Variants in BMP5 observed in about 807,000 individuals in gnomAD.
BMP5 encodes bone morphogenetic protein 5.
Under a neutral mutation model 46.6 loss-of-function variants are expected in BMP5, and 23 were observed. That is an observed-to-expected ratio of 0.49 (90% CI 0.35 to 0.70). The LOEUF (loss-of-function observed/expected upper bound fraction) is 0.70, where lower values mean the gene tolerates loss of function less well. Among genes scored for constraint, BMP5 ranks in the 30% least tolerant of loss-of-function variants. The probability of loss-of-function intolerance (pLI) is 0.00; values close to 1 mark genes in which losing one functional copy is unlikely to be tolerated. For synonymous variants in BMP5, 204 were observed against 191.9 expected (o/e 1.06, Z -0.52); for missense variants, 545 against 565.6 (o/e 0.96, Z 0.37).
intron 2 of BMP5, among the ~76,000 whole-genome samples, chr6:55,807,457 C>T (rs1051923126): frequency 6.6e-6 from 1 of 152,132 alleles, no homozygotes; most frequent in African/African-American, 2.4e-5. Flanking sequence ...CTGCTGGAAT[C>T]GGTTTGCCAG....
chr6:55,849,342 T>A (rs1486521112), intron 1 of BMP5, among the ~76,000 whole-genome samples: 1 of 152,026 alleles, frequency 6.6e-6, no homozygotes, highest in African/African-American at 2.4e-5. Flanking sequence ...CACATGAACA[T>A]ACATATATGC....
At chr6:55,805,636 C>T (rs147110183) in intron 2 of BMP5, among the ~76,000 whole-genome samples, 1,994 of 152,218 alleles carry the variant, frequency 0.013, 38 homozygotes, top group African/African-American at 0.045. Context: ...CTTGAGGAAT[C>T]GGCACATTGT....
At chr6:55,768,895 C>T (rs1381021207) in intron 4 of BMP5, among the ~76,000 whole-genome samples, 1 of 151,856 alleles carries the variant, frequency 6.6e-6, no homozygotes, top group East Asian at 1.9e-4. Flanking sequence ...TTTGGTTTCC[C>T]AGTGCATGTA....
At chr6:55,797,307 T>C (rs1011469998) in intron 2 of BMP5, among the ~76,000 whole-genome samples, 20 of 152,212 alleles carry the variant, frequency 1.3e-4, no homozygotes, top group African/African-American at 4.6e-4. Flanking sequence ...CCATGAACAG[T>C]ATAAAATAAA....
chr6:55,792,269 C>G (rs558879631), intron 3 of BMP5, among the ~76,000 whole-genome samples: 2 of 152,266 alleles, frequency 1.3e-5, no homozygotes, highest in East Asian at 1.9e-4. Context: ...CGCGGTGGCT[C>G]ACGCCTGTAA....
rs539563286 is a variant in BMP5, at chr6:55,807,243, T to A, written c.683+12412A>T. Among the ~76,000 whole-genome samples the A allele has an allele frequency of 5.1e-4, 78 of 152,316 alleles. No individual in the cohort carries two copies. The South Asian group carries it at 0.016, about 31-fold the overall frequency. ...CTCTTATTATTTTGAGATTTTTTCA[T>A]CAATACCTAATTTATTGAGAGTTTT... On this transcript the variant is annotated intron_variant, in intron 2 of 6. Coordinates refer to ENST00000370830, the MANE Select transcript of BMP5 (RefSeq NM_021073.4).
chr6:55,819,526 T>C, intron 2 of BMP5, 129 bp downstream of exon 2: 1 of 764,958 alleles, frequency 1.3e-6, no homozygotes, highest in Non-Finnish European at 2.2e-6. Context: ...TATCTCTACC[T>C]GGCTCTAAAT....
chr6:55,830,966 C>CT (rs950810309), intron 1 of BMP5, among the ~76,000 whole-genome samples: 1 of 151,306 alleles, frequency 6.6e-6, no homozygotes, highest in African/African-American at 2.4e-5. Flanking sequence ...GAAGTTTAGA[C>CT]TTTTTTTTTC....
chr6:55,861,840 G>A (rs527422511), intron 1 of BMP5, among the ~76,000 whole-genome samples: 2 of 152,290 alleles, frequency 1.3e-5, no homozygotes, highest in South Asian at 2.1e-4. Flanking sequence ...CAACACAGCA[G>A]CCTTCTCAAT....
intron 3 of BMP5, among the ~76,000 whole-genome samples, chr6:55,784,951 G>A (rs540099733): frequency 5.4e-4 from 82 of 151,834 alleles, no homozygotes; most frequent in African/African-American, 1.7e-3. Context: ...ACATTTACTC[G>A]TGTACAAAAT....
chr6:55,804,036 C>T (rs774242022), intron 2 of BMP5, among the ~76,000 whole-genome samples: 1 of 152,144 alleles, frequency 6.6e-6, no homozygotes, highest in Non-Finnish European at 1.5e-5. Flanking sequence ...TAATAAATAT[C>T]TTATTCCTTA....
At chr6:55,777,694 G>T (rs73453363) in intron 3 of BMP5, among the ~76,000 whole-genome samples, 8,056 of 152,032 alleles carry the variant, frequency 0.053, 709 homozygotes, top group African/African-American at 0.18. Flanking sequence ...TTGTGGGCAA[G>T]AAGTCATCTT....
intron 2 of BMP5, among the ~76,000 whole-genome samples, chr6:55,797,425 C>G (rs750961150): frequency 9.9e-5 from 15 of 151,670 alleles, no homozygotes; most frequent in Admixed American, 9.8e-4. Context: ...AAGAACAGTG[C>G]GATAGAGAAA....
chr6:55,853,192 TAAAATAAAATAAAATAAAA>T (rs1483765091), intron 1 of BMP5, among the ~76,000 whole-genome samples: 2 of 144,978 alleles, frequency 1.4e-5, no homozygotes, highest in African/African-American at 5.0e-5. Flanking sequence ...TAAAATAAAA[TAAAATAAAATAAAATAAAA>T]TAAAATAAGA....
At position 55,860,598 on chromosome 6, in the gene BMP5, G is replaced by A. The variant is rs554788092; in HGVS notation, c.490+13778C>T. On this transcript the variant is annotated intron_variant, in intron 1 of 6. Coordinates refer to ENST00000370830, the MANE Select transcript of BMP5 (RefSeq NM_021073.4). ...GTGGCTAAAGGTAAAGAGAGAGAGA[G>A]AGAGAAACAAAATAGAATTTTTAAG... 2.6e-5 allele frequency among the ~76,000 whole-genome samples: 4 copies of A among 152,278 alleles called. No individual in the cohort carries two copies. In the South Asian group the frequency reaches 8.3e-4, roughly 32 times the overall value.
intron 3 of BMP5, among the ~76,000 whole-genome samples, chr6:55,792,388 G>A (rs1312784221): frequency 6.6e-6 from 1 of 152,052 alleles, no homozygotes; most frequent in African/African-American, 2.4e-5. Context: ...AAAAAAATTA[G>A]CCGGGCATGG....
At chr6:55,761,046 G>T (rs993655154) in intron 4 of BMP5, among the ~76,000 whole-genome samples, 8 of 151,874 alleles carry the variant, frequency 5.3e-5, no homozygotes, top group African/African-American at 1.7e-4. Context: ...CCAAAATCCT[G>T]TCCACCTGTA....
chr6:55,829,616 A>G (rs1776616583), intron 1 of BMP5, among the ~76,000 whole-genome samples: 1 of 151,932 alleles, frequency 6.6e-6, no homozygotes, highest in Non-Finnish European at 1.5e-5. Context: ...TGGTACTTAA[A>G]AACATATGCT....
intron 1 of BMP5, among the ~76,000 whole-genome samples, chr6:55,855,950 T>C (rs1445567742): frequency 1.3e-5 from 2 of 152,152 alleles, no homozygotes; most frequent in African/African-American, 2.4e-5. Context: ...TACCATTAGC[T>C]CTATGGCTTT....
Sources: allele counts gnomAD v4.1 joint callset (sites outside exome capture counted in the v4.1 genomes callset), GRCh38; gene constraint gnomAD v4.1.1; transcripts MANE v1.5; gene names NCBI Gene and HGNC (gene_info 2026-07-23, HGNC 2026-07-21).